Variants in MYRIP observed in about 807,000 individuals in gnomAD.
MYRIP encodes the protein rab effector MyRIP.
In MYRIP, 49 loss-of-function variants were observed where a neutral mutation model predicts 98.0. The observed-to-expected ratio is 0.50, with a 90% CI of 0.40 to 0.63. MYRIP has a LOEUF of 0.63. MYRIP is among the 30% of genes least tolerant of loss of function. The pLI is 0.00. For missense variants in MYRIP, 1,004 were observed against 1,058.2 expected (o/e 0.95, Z 0.71); for synonymous variants, 404 against 409.5 (o/e 0.99, Z 0.16).
chr3:40,238,484 G>A (rs1952887190), intron 12 of MYRIP: 1 of 152,166 alleles, frequency 6.6e-6, no homozygotes, highest in South Asian at 2.1e-4. Context: ...GGAACCTAGG[G>A]ACTGTCAGAA....
intron 2 of MYRIP, among the ~76,000 whole-genome samples, chr3:39,993,037 G>A (rs1946219991): frequency 3.3e-5 from 5 of 152,120 alleles, no homozygotes; most frequent in Admixed American, 2.6e-4. Context: ...ACCACAGACT[G>A]GATAATTTAT....
At chr3:40,127,292 T>TA (rs1205590779) in intron 3 of MYRIP, among the ~76,000 whole-genome samples, 5 of 152,228 alleles carry the variant, frequency 3.3e-5, no homozygotes, top group Admixed American at 1.3e-4. Context: ...AGATAAATAT[T>TA]ACCATCTCCA....
Position 40,190,202 on chromosome 3 carries a change from C to T in MYRIP, c.1404C>T (p.His468=). 1 of 1,614,172 alleles carries T rather than the reference C, an allele frequency of 6.2e-7. No individual in the cohort carries two copies. Among genetic ancestry groups the T allele is most frequent in the Non-Finnish European group, 8.5e-7 (1 of 1,180,038 alleles). The change falls in exon 10 of 17, where the codon CAC becomes CAT. Residue 468 remains histidine, a synonymous_variant. Coordinates refer to ENST00000302541, the MANE Select transcript of MYRIP (RefSeq NM_015460.4). ...CAGGCTCTTCCCGAGAAGTTGGGCACCAGGCCAGACTGTCCTGGTTGCAGA... is the reference window on the plus strand; with the variant it reads ...CAGGCTCTTCCCGAGAAGTTGGGCATCAGGCCAGACTGTCCTGGTTGCAGA... The part of the protein sequence containing the change: ...SSAGSSREVG[H]QARLSWLQRK...
chr3:40,119,363 A>G (rs1949349708), intron 3 of MYRIP, among the ~76,000 whole-genome samples: 1 of 152,218 alleles, frequency 6.6e-6, no homozygotes. Context: ...TATCTCCAGG[A>G]TGTGTTCTTA....
chr3:40,244,590 C>T lies in MYRIP; in HGVS notation c.2245C>T (p.His749Tyr), dbSNP rs898090965. The T allele has an allele frequency of 6.2e-7, 1 of 1,613,002 alleles. No homozygotes were observed. Among genetic ancestry groups the T allele is most frequent in the Non-Finnish European group, 8.5e-7 (1 of 1,179,552 alleles). ...GGTGGCCACGGCTGCAGCCCAAGTC[C>T]ACCATGCTGAACTCCAGGTGAGAAC... ...DQVATAAAQVHHAELQISDIE... is the reference protein window; with the variant it reads ...DQVATAAAQVYHAELQISDIE... The change falls in exon 13 of 17, where the codon CAC becomes TAC. Residue 749 changes from histidine (H) to tyrosine (Y), a missense_variant. Physicochemically the swap from His to Tyr is moderately conservative, Grantham distance 83 (BLOSUM62 2). Around this residue, in one of 3 missense-constraint regions of MYRIP, gnomAD observed 16 missense variants for 39.5 expected, o/e 0.41. Coordinates refer to ENST00000302541, the MANE Select transcript of MYRIP (RefSeq NM_015460.4).
intron 3 of MYRIP, among the ~76,000 whole-genome samples, chr3:40,063,053 G>T (rs1948051752): frequency 6.6e-6 from 1 of 152,186 alleles, no homozygotes; most frequent in African/African-American, 2.4e-5. Context: ...TACCATGAGA[G>T]ACAATCCACC....
intron 1 of MYRIP, among the ~76,000 whole-genome samples, chr3:39,828,290 T>C (rs1941333317): frequency 6.6e-6 from 1 of 152,100 alleles, no homozygotes; most frequent in Admixed American, 6.6e-5. Context: ...AATTCTTTTC[T>C]CTCTCATTTT....
chr3:40,233,762 C>A, intron 11 of MYRIP, 97 bp from the exon 12 acceptor site: 1 of 1,134,998 alleles, frequency 8.8e-7, no homozygotes, highest in Non-Finnish European at 1.3e-6. Context: ...ACAGAATCAA[C>A]CTCATGATGA....
intron 2 of MYRIP, among the ~76,000 whole-genome samples, chr3:40,034,911 A>T (rs548730221): frequency 6.6e-6 from 1 of 151,886 alleles, no homozygotes; most frequent in Non-Finnish European, 1.5e-5. Flanking sequence ...GGATGAGTTC[A>T]TGTCCTTTGT....
At chr3:39,813,563 T>G (rs1179157206) in intron 1 of MYRIP, among the ~76,000 whole-genome samples, 1 of 152,148 alleles carries the variant, frequency 6.6e-6, no homozygotes, top group East Asian at 1.9e-4. Context: ...GTTTACACAC[T>G]ATGCAAGCCG....
chr3:39,983,089 T>C (rs978345451), intron 2 of MYRIP, among the ~76,000 whole-genome samples: 4 of 152,252 alleles, frequency 2.6e-5, no homozygotes, highest in Admixed American at 6.5e-5. Flanking sequence ...TTGATGAGGC[T>C]TAATCCATAA....
At chr3:39,858,862 C>A (rs1285351483) in intron 1 of MYRIP, among the ~76,000 whole-genome samples, 1 of 151,586 alleles carries the variant, frequency 6.6e-6, no homozygotes, top group Non-Finnish European at 1.5e-5. Flanking sequence ...CACCATAAAC[C>A]AAAACTTAAG....
chr3:40,052,801 C>T (rs1405975614), intron 3 of MYRIP, among the ~76,000 whole-genome samples: 2 of 152,118 alleles, frequency 1.3e-5, no homozygotes, highest in Non-Finnish European at 2.9e-5. Context: ...AGTTAGGACA[C>T]ATTCAACGTG....
intron 4 of MYRIP, among the ~76,000 whole-genome samples, chr3:40,153,976 C>T (rs1021308654): frequency 6.6e-6 from 1 of 151,980 alleles, no homozygotes; most frequent in African/African-American, 2.4e-5. Flanking sequence ...CCCATCTCTA[C>T]TAAAATACAA....
intron 2 of MYRIP, among the ~76,000 whole-genome samples, chr3:39,992,319 A>G (rs749974556): frequency 5.3e-5 from 8 of 152,024 alleles, no homozygotes; most frequent in Non-Finnish European, 8.8e-5. Context: ...CACCACCTTG[A>G]GCCCCCAAAC....
chr3:39,915,705 T>C (rs1009742910), intron 2 of MYRIP, among the ~76,000 whole-genome samples: 2 of 151,306 alleles, frequency 1.3e-5, no homozygotes, highest in African/African-American at 2.4e-5. Context: ...ATCTCCTAAA[T>C]AGATGATTTC....
rs573436098 is a variant in MYRIP, at chr3:39,996,163, A to G, written c.111-47887A>G. Among the ~76,000 whole-genome samples the G allele has an allele frequency of 2.6e-4, 39 of 152,332 alleles. 1 individual carries two copies. The highest frequency in any genetic ancestry group is 2.2e-3 in the Admixed American group (34 of 15,288). The stretch of plus-strand genomic sequence containing the variant: ...AACCAGCTAACATCATAATGACAGG[A>G]TCAAATTGACACCTAACAATGTTAA... On this transcript the variant is annotated intron_variant, in intron 2 of 16. Coordinates refer to ENST00000302541, the MANE Select transcript of MYRIP (RefSeq NM_015460.4).
chr3:39,849,933 C>T (rs1282348316), intron 1 of MYRIP, among the ~76,000 whole-genome samples: 1 of 152,220 alleles, frequency 6.6e-6, no homozygotes, highest in African/African-American at 2.4e-5. Flanking sequence ...GACTAAGAGA[C>T]AACTTTAAAA....
At chr3:39,889,953 T>C (rs1943441144) in intron 1 of MYRIP, among the ~76,000 whole-genome samples, 1 of 152,140 alleles carries the variant, frequency 6.6e-6, no homozygotes, top group Non-Finnish European at 1.5e-5. Context: ...AATCAATAAC[T>C]TAAAGATTGT....
Sources: allele counts gnomAD v4.1 joint callset (sites outside exome capture counted in the v4.1 genomes callset), GRCh38; gene constraint gnomAD v4.1.1; regional missense constraint gnomAD v4.1.1; transcripts MANE v1.5; gene names NCBI Gene and HGNC (gene_info 2026-07-23, HGNC 2026-07-21).